MAP3K20: variants seen among roughly 807,000 people sequenced by gnomAD.
MAP3K20 encodes the protein HCCS-4.
Under a neutral mutation model 85.7 loss-of-function variants are expected in MAP3K20, and 40 were observed. The observed-to-expected ratio is 0.47, with a 90% CI of 0.36 to 0.61. The LOEUF is 0.61. MAP3K20 is among the 20% of genes least tolerant of loss of function. The probability of loss-of-function intolerance (pLI) is 0.00; values close to 1 mark genes in which losing one functional copy is unlikely to be tolerated. For synonymous variants in MAP3K20, 325 were observed against 327.7 expected (o/e 0.99, Z 0.09); for missense variants, 817 against 961.7 (o/e 0.85, Z 1.99).
intron 14 of MAP3K20, 36 bp downstream of exon 14, chr2:173,232,495 C>G (rs762032706): frequency 8.7e-6 from 14 of 1,601,098 alleles, no homozygotes; most frequent in South Asian, 3.4e-5. Flanking sequence ...ATCAGCAAAC[C>G]CTTTTTTTGT....
chr2:173,254,913 A>G (rs1685124630), intron 16 of MAP3K20, among the ~76,000 whole-genome samples: 1 of 152,226 alleles, frequency 6.6e-6, no homozygotes, highest in Admixed American at 6.5e-5. Flanking sequence ...AATTAACTTA[A>G]TGATTTACAT....
At chr2:173,166,492 CAT>C (rs1441432015) in intron 2 of MAP3K20, 8 of 152,126 alleles carry the variant, frequency 5.3e-5, no homozygotes, top group Non-Finnish European at 8.8e-5. Context: ...CCAGATTTCA[CAT>C]GTTGACTGAA....
intron 2 of MAP3K20, among the ~76,000 whole-genome samples, chr2:173,123,026 T>G (rs1688340207): frequency 6.6e-6 from 1 of 152,234 alleles, no homozygotes; most frequent in South Asian, 2.1e-4. Context: ...GGAGTGTCTC[T>G]GGTCCTTTTC....
chr2:173,173,355 C>T (rs937717256), intron 3 of MAP3K20, among the ~76,000 whole-genome samples: 2 of 152,056 alleles, frequency 1.3e-5, no homozygotes, highest in African/African-American at 4.8e-5. Context: ...GAAAGGGTGG[C>T]AGACTGGGTT....
Position 173,266,705 on chromosome 2 carries a change from TAA to T in MAP3K20, c.2360_2361del (p.Lys787ArgfsTer17). ...ACAGGCCATCTCCCGCCAAAACCAA[TAA>T]AGAGAGAGCCAGAGGGGACCACCGT... is the stretch of plus-strand genomic sequence containing the variant. The part of the protein sequence containing the change: ...PHRPSPAKTN[K>X]ERARGDHRGW... On this transcript the variant is annotated frameshift_variant, in exon 20 of 20. Transcript: ENST00000375213. LOFTEE classifies it high-confidence loss of function. 1 of 1,577,466 alleles carries T rather than the reference TAA, an allele frequency of 6.3e-7. No individual in the cohort carries two copies. Among genetic ancestry groups the T allele is most frequent in the Non-Finnish European group, 8.6e-7 (1 of 1,164,552 alleles).
intron 16 of MAP3K20, among the ~76,000 whole-genome samples, chr2:173,244,853 T>C (rs1684877945): frequency 1.3e-5 from 2 of 152,178 alleles, no homozygotes; most frequent in South Asian, 4.1e-4. Context: ...ATTAACCAAG[T>C]TCTCAGAAAC....
At chr2:173,122,710 T>C (rs1688329919) in intron 2 of MAP3K20, among the ~76,000 whole-genome samples, 1 of 152,212 alleles carries the variant, frequency 6.6e-6, no homozygotes, top group Admixed American at 6.5e-5. Context: ...GTAAACTGCA[T>C]ACTGATTTCA....
chr2:173,100,447 T>C (rs75048896), intron 2 of MAP3K20, among the ~76,000 whole-genome samples: 1,752 of 152,358 alleles, frequency 0.011, 21 homozygotes, highest in Middle Eastern at 0.024. Context: ...CCAGTGAACA[T>C]TGAAGTATTT....
At chr2:173,246,316 A>T (rs1347652922) in intron 16 of MAP3K20, among the ~76,000 whole-genome samples, 3 of 152,196 alleles carry the variant, frequency 2.0e-5, no homozygotes, top group Non-Finnish European at 4.4e-5. Context: ...TTTGGGGGTC[A>T]GTTAATTCTA....
intron 2 of MAP3K20, among the ~76,000 whole-genome samples, chr2:173,150,392 G>T (rs1012588686): frequency 1.3e-5 from 2 of 152,066 alleles, no homozygotes; most frequent in Non-Finnish European, 2.9e-5. Context: ...CTTTTCCAAC[G>T]CTCTATTCTC....
At chr2:173,219,064 A>G (rs1306661912) in intron 11 of MAP3K20, among the ~76,000 whole-genome samples, 1 of 152,182 alleles carries the variant, frequency 6.6e-6, no homozygotes, top group Non-Finnish European at 1.5e-5. Context: ...TCTTCTGCTT[A>G]GAGCTGGTAT....
chr2:173,204,337 C>A (rs1183196977), intron 9 of MAP3K20, among the ~76,000 whole-genome samples: 1 of 152,214 alleles, frequency 6.6e-6, no homozygotes, highest in African/African-American at 2.4e-5. Context: ...CAAGGCCACA[C>A]AGCTAGTAGG....
intron 14 of MAP3K20, among the ~76,000 whole-genome samples, chr2:173,235,402 G>A (rs1399190963): frequency 3.9e-5 from 6 of 152,174 alleles, no homozygotes; most frequent in South Asian, 2.1e-4. Context: ...CCCCCTCCTC[G>A]TTGTTGCTTA....
At chr2:173,095,633 G>T (rs1227170610) in intron 2 of MAP3K20, among the ~76,000 whole-genome samples, 2 of 152,116 alleles carry the variant, frequency 1.3e-5, no homozygotes, top group African/African-American at 4.8e-5. Context: ...CTTGCTCTGG[G>T]ACTTAATAAT....
intron 2 of MAP3K20, among the ~76,000 whole-genome samples, chr2:173,105,434 G>A (rs1209380104): frequency 1.3e-5 from 2 of 152,258 alleles, no homozygotes; most frequent in South Asian, 4.1e-4. Flanking sequence ...TGAGCAGGTC[G>A]AGTTCTTTTT....
chr2:173,090,580 A>G, intron 1 of MAP3K20: 2 of 980,300 alleles, frequency 2.0e-6, no homozygotes, highest in South Asian at 9.4e-5. Context: ...AAGTGAGTGC[A>G]GCGTGGAGAG....
chr2:173,205,980 T>C (rs889686568), intron 9 of MAP3K20, among the ~76,000 whole-genome samples: 6 of 152,190 alleles, frequency 3.9e-5, no homozygotes, highest in African/African-American at 1.4e-4. Flanking sequence ...ATTTATTTTA[T>C]ACTGTTAAAA....
chr2:173,205,618 G>C (rs1683659405), intron 9 of MAP3K20, among the ~76,000 whole-genome samples: 3 of 152,110 alleles, frequency 2.0e-5, no homozygotes, highest in Admixed American at 6.5e-5. Context: ...AGAATTTGTT[G>C]CTGGTTCTCC....
chr2:173,144,733 G>A (rs906607992), intron 2 of MAP3K20, among the ~76,000 whole-genome samples: 9 of 151,952 alleles, frequency 5.9e-5, no homozygotes, highest in East Asian at 1.9e-4. Flanking sequence ...AGAGACATGC[G>A]TTTTCCATAA....
Sources: allele counts gnomAD v4.1 joint callset (sites outside exome capture counted in the v4.1 genomes callset), GRCh38; gene constraint gnomAD v4.1.1; transcripts MANE v1.5; gene names NCBI Gene and HGNC (gene_info 2026-07-23, HGNC 2026-07-21).